PDZD8: variants seen among roughly 807,000 people sequenced by gnomAD.
The protein encoded by PDZD8 is PDZ domain-containing protein 8.
In PDZD8, 14 loss-of-function variants were observed where a neutral mutation model predicts 85.8. That is an observed-to-expected ratio of 0.16 (90% CI 0.11 to 0.26). The LOEUF is 0.26. PDZD8 is among the 10% of genes least tolerant of loss of function. The probability of loss-of-function intolerance (pLI) is 1.00; values close to 1 mark genes in which losing one functional copy is unlikely to be tolerated. For missense variants in PDZD8, 1,197 were observed against 1,424.3 expected (o/e 0.84, Z 2.57); for synonymous variants, 592 against 568.6 (o/e 1.04, Z -0.59).
intron 1 of PDZD8, among the ~76,000 whole-genome samples, chr10:117,369,165 T>G (rs1490177545): frequency 2.0e-5 from 3 of 151,732 alleles, no homozygotes; most frequent in African/African-American, 7.3e-5. Flanking sequence ...TATTTATTTA[T>G]TTTTACTTTT....
intron 3 of PDZD8, among the ~76,000 whole-genome samples, chr10:117,311,020 C>T (rs1277166104): frequency 1.3e-5 from 2 of 152,148 alleles, no homozygotes; most frequent in Non-Finnish European, 2.9e-5. Context: ...CTTGTAGGTG[C>T]ATTCAATTTC....
intron 3 of PDZD8, among the ~76,000 whole-genome samples, chr10:117,311,223 C>CT (rs1470568172): frequency 6.9e-5 from 10 of 144,034 alleles, no homozygotes; most frequent in African/African-American, 2.6e-4. Context: ...AATCCTCACT[C>CT]TAAAAATCAG....
At chr10:117,305,164 G>A (rs569509532) in intron 3 of PDZD8, among the ~76,000 whole-genome samples, 3 of 152,258 alleles carry the variant, frequency 2.0e-5, no homozygotes, top group Non-Finnish European at 4.4e-5. Context: ...TATAATCCCA[G>A]CACTTTGGGA....
intron 4 of PDZD8, among the ~76,000 whole-genome samples, chr10:117,289,097 A>G (rs1844715160): frequency 6.6e-6 from 1 of 152,172 alleles, no homozygotes; most frequent in Non-Finnish European, 1.5e-5. Context: ...GAAATGAAGA[A>G]TCTTGGGCCT....
intron 3 of PDZD8, among the ~76,000 whole-genome samples, chr10:117,305,400 AAG>A: frequency 6.6e-6 from 1 of 151,298 alleles, no homozygotes; most frequent in Middle Eastern, 3.4e-3. Context: ...GCAACAGAGC[AAG>A]ACTCTGTCTC....
chr10:117,319,667 AT>A (rs1241121642), intron 2 of PDZD8, among the ~76,000 whole-genome samples: 2 of 152,052 alleles, frequency 1.3e-5, no homozygotes, highest in Non-Finnish European at 2.9e-5. Flanking sequence ...GCATCATGTA[AT>A]TTTACTGTTT....
chr10:117,323,955 CA>C lies in PDZD8; in HGVS notation c.996-4982del, dbSNP rs1451176903. On this transcript the variant is annotated intron_variant, in intron 2 of 4. Coordinates refer to ENST00000334464, the MANE Select transcript of PDZD8 (RefSeq NM_173791.5). ...AAAAAGACAAAAGACAGGCAGGGAG[CA>C]GTAGCTCTCGCCCGTAATCCCAGCA... 2.6e-5 allele frequency among the ~76,000 whole-genome samples: 4 copies of C among 151,968 alleles called. No homozygotes were observed. The East Asian group carries it at 7.7e-4, about 29-fold the overall frequency.
At chr10:117,298,838 T>C (rs1400272205) in intron 3 of PDZD8, among the ~76,000 whole-genome samples, 1 of 152,174 alleles carries the variant, frequency 6.6e-6, no homozygotes, top group Non-Finnish European at 1.5e-5. Flanking sequence ...TTGTACAGCC[T>C]TTTTCTTGAA....
chr10:117,325,859 C>T (rs1000702253), intron 2 of PDZD8, among the ~76,000 whole-genome samples: 1 of 152,152 alleles, frequency 6.6e-6, no homozygotes, highest in African/African-American at 2.4e-5. Flanking sequence ...TCACCTTGAA[C>T]TGTAATCCCC....
At chr10:117,366,984 T>C (rs1052358544) in intron 1 of PDZD8, among the ~76,000 whole-genome samples, 6 of 152,226 alleles carry the variant, frequency 3.9e-5, no homozygotes, top group Non-Finnish European at 7.3e-5. Flanking sequence ...GTAATACTTG[T>C]AAGTCAACGT....
intron 4 of PDZD8, among the ~76,000 whole-genome samples, chr10:117,287,541 T>A (rs1224635481): frequency 6.6e-6 from 1 of 152,214 alleles, no homozygotes. Context: ...CTCTCTGTCC[T>A]CACTACTATC....
intron 3 of PDZD8, among the ~76,000 whole-genome samples, chr10:117,296,781 T>C (rs1485580712): frequency 6.6e-6 from 1 of 152,020 alleles, no homozygotes; most frequent in Non-Finnish European, 1.5e-5. Flanking sequence ...TACATAAAAA[T>C]TTATGGGAAA....
At chr10:117,305,465 C>T (rs11197946) in intron 3 of PDZD8, among the ~76,000 whole-genome samples, 2 of 101,008 alleles carry the variant, frequency 2.0e-5, no homozygotes, top group South Asian at 3.8e-4. Flanking sequence ...CATATATACA[C>T]ACACATACAC....
intron 3 of PDZD8, among the ~76,000 whole-genome samples, chr10:117,300,904 G>A (rs1392887756): frequency 1.3e-5 from 2 of 152,130 alleles, no homozygotes; most frequent in Non-Finnish European, 2.9e-5. Flanking sequence ...AAACTGTGAG[G>A]AATTCATTTC....
chr10:117,295,727 G>A (rs772240977), intron 3 of PDZD8, among the ~76,000 whole-genome samples: 7 of 151,948 alleles, frequency 4.6e-5, no homozygotes, highest in Non-Finnish European at 7.4e-5. Context: ...GTAATTTATC[G>A]TGTTAACAAA....
In PDZD8 at chr10:117,284,271, A is replaced by G. The variant is rs770810895; in HGVS notation, c.2462T>C (p.Val821Ala). 1 of 1,614,040 alleles carries G rather than the reference A, an allele frequency of 6.2e-7. No individual in the cohort carries two copies. ...KEKEPHLVEE[V>A]SVLPKEEQFV... Reference sequence around the variant, plus strand: ...TTGCTCCTCTTTAGGGAGAACAGAAACTTCTTCAACCAAATGGGGTTCTTT... The same window carrying G: ...TTGCTCCTCTTTAGGGAGAACAGAAGCTTCTTCAACCAAATGGGGTTCTTT... The change falls in exon 5 of 5, where the codon GTT becomes GCT. Residue 821 changes from valine (V) to alanine (A), a missense_variant. Physicochemically the swap from Val to Ala is moderately conservative, Grantham distance 64 (BLOSUM62 0). Around this residue, in one of 4 missense-constraint regions of PDZD8, gnomAD observed 418 missense variants for 571.1 expected, o/e 0.73. Transcript: ENST00000334464.
intron 2 of PDZD8, among the ~76,000 whole-genome samples, chr10:117,327,078 A>G (rs1163844705): frequency 6.6e-6 from 1 of 152,208 alleles, no homozygotes; most frequent in Non-Finnish European, 1.5e-5. Flanking sequence ...ACATGCAGCC[A>G]TCCGTGAAAC....
intron 3 of PDZD8, among the ~76,000 whole-genome samples, chr10:117,310,055 T>C (rs1412563828): frequency 6.6e-6 from 1 of 152,154 alleles, no homozygotes; most frequent in Non-Finnish European, 1.5e-5. Context: ...TGGTCCGACC[T>C]TTTTATTCTT....
chr10:117,341,598 GT>G (rs1447740916), intron 1 of PDZD8, among the ~76,000 whole-genome samples: 1 of 152,146 alleles, frequency 6.6e-6, no homozygotes, highest in Non-Finnish European at 1.5e-5. Flanking sequence ...TCTCCCATAT[GT>G]TTTGAATCAT....
Sources: allele counts gnomAD v4.1 joint callset (sites outside exome capture counted in the v4.1 genomes callset), GRCh38; gene constraint gnomAD v4.1.1; regional missense constraint gnomAD v4.1.1; transcripts MANE v1.5; gene names NCBI Gene and HGNC (gene_info 2026-07-23, HGNC 2026-07-21).